PSIP1: variants seen among roughly 807,000 people sequenced by gnomAD.
The protein encoded by PSIP1 is PC4 and SRSF1 interacting protein 1.
A neutral mutation model predicts 74.7 loss-of-function variants in PSIP1; 19 were observed. That is an observed-to-expected ratio of 0.25 (90% CI 0.18 to 0.37). The LOEUF (loss-of-function observed/expected upper bound fraction) is 0.37, where lower values mean the gene tolerates loss of function less well. Among genes scored for constraint, PSIP1 ranks in the 10% least tolerant of loss-of-function variants. PSIP1 has a pLI of 1.00. For synonymous variants in PSIP1, 222 were observed against 195.3 expected, an observed-to-expected ratio of 1.14 and a Z score of -1.14; for missense variants, 601 against 614.3, an observed-to-expected ratio of 0.98 and a Z score of 0.23.
intron 8 of PSIP1, among the ~76,000 whole-genome samples, chr9:15,476,901 C>A (rs2036110174): frequency 6.6e-6 from 1 of 152,106 alleles, no homozygotes; most frequent in Non-Finnish European, 1.5e-5. Flanking sequence ...AGCTGCTCAG[C>A]TGATGAGGAG....
At chr9:15,478,743 T>C (rs2036207676) in intron 7 of PSIP1, among the ~76,000 whole-genome samples, 191 bp from the exon 8 acceptor site, 1 of 152,140 alleles carries the variant, frequency 6.6e-6, no homozygotes, top group African/African-American at 2.4e-5. Context: ...AAAAAATTTA[T>C]AAAGAGGTAA....
chr9:15,510,269 C>A lies in PSIP1; in HGVS notation c.-81G>T. ...GGCGCGGGGATGCGGGCGGCGGACG[C>A]GGGCCCAGCTACCGGGCCCGCGGGC... On this transcript the variant is annotated 5_prime_UTR_variant, in exon 2 of 16. Coordinates refer to ENST00000380733, the MANE Select transcript of PSIP1 (RefSeq NM_033222.5). The A allele has an allele frequency of 2.3e-6, 3 of 1,297,350 alleles. No homozygotes were observed. Among genetic ancestry groups the A allele is most frequent in the South Asian group, 2.7e-5 (2 of 74,594 alleles). The allele number at this position is 1,297,350 out of a possible 1,614,324, so 80.4% of individuals were successfully genotyped here. A position where few individuals can be genotyped will look rare whatever the true frequency, so the allele number is the denominator to read the frequency against.
At chr9:15,471,386 T>C (rs563158099) in intron 10 of PSIP1, 42 of 1,523,296 alleles carry the variant, frequency 2.8e-5, no homozygotes, top group African/African-American at 5.5e-5. Flanking sequence ...GAAAGTTACA[T>C]TGGAGGACAT....
At chr9:15,471,438 A>AAGATACTTTAAGATACTTT in intron 10 of PSIP1, 1 of 1,444,350 alleles carries the variant, frequency 6.9e-7, no homozygotes, top group South Asian at 1.4e-5. Flanking sequence ...TTAAGATACT[A>AAGATACTTTAAGATACTTT]AAGAAGGGTT....
intron 6 of PSIP1, among the ~76,000 whole-genome samples, chr9:15,484,293 C>CA (rs35611448): frequency 2.1e-4 from 32 of 149,366 alleles, no homozygotes; most frequent in African/African-American, 2.7e-4. Flanking sequence ...CCATGTCTAT[C>CA]AAAAAAAAAA....
intron 8 of PSIP1, among the ~76,000 whole-genome samples, chr9:15,475,923 C>T (rs2036056059): frequency 6.6e-6 from 1 of 152,032 alleles, no homozygotes; most frequent in Non-Finnish European, 1.5e-5. Context: ...CAAACACAAC[C>T]CTAAGAGCTT....
In PSIP1 at chr9:15,510,253, A is replaced by T. The variant is rs989281518; in HGVS notation, c.-65T>A. ...GGCGAGGAGATGCGGCGGCGCGGGG[A>T]TGCGGGCGGCGGACGCGGGCCCAGC... is the stretch of plus-strand genomic sequence containing the variant. On this transcript the variant is annotated 5_prime_UTR_variant, in exon 2 of 16. Coordinates refer to ENST00000380733, the MANE Select transcript of PSIP1 (RefSeq NM_033222.5). 1 of 1,514,516 alleles carries T rather than the reference A, an allele frequency of 6.6e-7. No individual in the cohort carries two copies. Among genetic ancestry groups the T allele is most frequent in the Admixed American group, 1.8e-5 (1 of 56,088 alleles). The allele number at this position is 1,514,516 out of a possible 1,614,324, so 93.8% of individuals were successfully genotyped here.
chr9:15,504,530 G>A (rs138442585), intron 3 of PSIP1, among the ~76,000 whole-genome samples: 1,529 of 152,196 alleles, frequency 0.01, 20 homozygotes, highest in African/African-American at 0.035. Context: ...GAGGTCAGGA[G>A]ATCGAGACCA....
chr9:15,465,906 G>T (rs1446460025), intron 15 of PSIP1: 1 of 230,692 alleles, frequency 4.3e-6, no homozygotes, highest in Non-Finnish European at 8.3e-6. Flanking sequence ...TTATATCTGT[G>T]ATACCAACAT....
chr9:15,475,658 T>A (rs955534973), intron 8 of PSIP1, among the ~76,000 whole-genome samples: 3 of 152,184 alleles, frequency 2.0e-5, no homozygotes, highest in Admixed American at 1.3e-4. Flanking sequence ...AAAGTGACTT[T>A]AGGGATTTAT....
chr9:15,486,797 G>C (rs950122734), intron 5 of PSIP1, 30 bp downstream of exon 5: 1 of 1,483,100 alleles, frequency 6.7e-7, no homozygotes, highest in Admixed American at 1.8e-5. Context: ...AACAAAATGG[G>C]TTTAAAATGT....
chr9:15,490,089 G>T lies in PSIP1; in HGVS notation c.185C>A (p.Ser62Ter). 6.2e-7 allele frequency: 1 copy of T among 1,602,892 alleles called. No homozygotes were observed. The highest frequency in any genetic ancestry group is 1.1e-5 in the South Asian group (1 of 88,998). ...TTTGCCATACTTTTCCTTATTTTCT[G>T]AGTAAGGAAATATATCCTTTGGTCC... ...FLGPKDIFPYSENKEKYGKPN... is the reference protein window; with the variant it reads ...FLGPKDIFPY Residue 62 changes from serine (S) to a stop codon, truncating the protein, a stop_gained, in exon 4 of 16, where the codon TCA (serine) becomes TAA (stop). Coordinates refer to ENST00000380733, the MANE Select transcript of PSIP1 (RefSeq NM_033222.5). LOFTEE classifies it high-confidence loss of function.
At chr9:15,470,516 T>C in intron 10 of PSIP1, 1 of 809,614 alleles carries the variant, frequency 1.2e-6, no homozygotes, top group Non-Finnish European at 1.5e-6. Context: ...CATTTTATTG[T>C]CAATCACAAA....
rs1036328070 is a variant in PSIP1 at position 15,464,103 on chromosome 9, C to T, written c.*1417G>A. 1.1e-5 allele frequency: 2 copies of T among 179,704 alleles called. No homozygotes were observed. Among genetic ancestry groups the T allele is most frequent in the African/African-American group, 2.4e-5 (1 of 42,430 alleles). The allele number at this position is 179,704 out of a possible 1,614,324, so 11.1% of individuals were successfully genotyped here. A position where few individuals can be genotyped will look rare whatever the true frequency, so the allele number is the denominator to read the frequency against. ...ATTCTTTAATGAAAACAAGTTTACA[C>T]GTTGAACTTATGGCTTAACTAGAAT... On this transcript the variant is annotated 3_prime_UTR_variant, in exon 16 of 16. Coordinates refer to ENST00000380733, the MANE Select transcript of PSIP1 (RefSeq NM_033222.5).
intron 2 of PSIP1, 123 bp downstream of exon 2, chr9:15,509,994 G>C (rs1237452807): frequency 2.0e-6 from 2 of 997,226 alleles, no homozygotes; most frequent in Non-Finnish European, 2.9e-6. Flanking sequence ...GAAAGGTCAG[G>C]TTACAAATGA....
chr9:15,472,186 C>A, intron 10 of PSIP1: 1 of 986,778 alleles, frequency 1.0e-6, no homozygotes, highest in Non-Finnish European at 1.2e-6. Context: ...CTTTTACTGG[C>A]TTCCTGGGTT....
chr9:15,476,349 G>A (rs1001580326), intron 8 of PSIP1, among the ~76,000 whole-genome samples: 10 of 152,216 alleles, frequency 6.6e-5, no homozygotes, highest in Admixed American at 1.3e-4. Flanking sequence ...TTATACAATG[G>A]GTAAAACTGT....
chr9:15,481,541 C>A (rs908165039), intron 6 of PSIP1, among the ~76,000 whole-genome samples: 21 of 152,020 alleles, frequency 1.4e-4, no homozygotes, highest in Admixed American at 3.9e-4. Context: ...ATTAAAAATA[C>A]AAAAATAAGT....
At chr9:15,479,806 A>T in intron 6 of PSIP1, 119 bp from the exon 7 acceptor site, 1 of 552,464 alleles carries the variant, frequency 1.8e-6, no homozygotes, top group Non-Finnish European at 3.0e-6. Flanking sequence ...TATAACCTCT[A>T]TATGATCTTT....
Sources: allele counts gnomAD v4.1 joint callset (sites outside exome capture counted in the v4.1 genomes callset), GRCh38; gene constraint gnomAD v4.1.1; transcripts MANE v1.5; gene names NCBI Gene and HGNC (gene_info 2026-07-23, HGNC 2026-07-21).